The following ARMH3 variants were observed in gnomAD, a reference collection of about 807,000 sequenced individuals.
ARMH3 encodes the protein armadillo like helical domain containing 3.
A neutral mutation model predicts 99.1 loss-of-function variants in ARMH3; 60 were observed. That is an observed-to-expected ratio of 0.61 (90% CI 0.49 to 0.75). ARMH3 has a LOEUF of 0.75. Among genes scored for constraint, ARMH3 ranks in the 30% least tolerant of loss-of-function variants. ARMH3 has a pLI of 0.00. For synonymous variants in ARMH3, 285 were observed against 292.8 expected (o/e 0.97, Z 0.27); for missense variants, 679 against 843.1 (o/e 0.81, Z 2.41).
chr10:101,910,276 G>T (rs1842809873), intron 23 of ARMH3, among the ~76,000 whole-genome samples: 1 of 152,184 alleles, frequency 6.6e-6, no homozygotes, highest in Non-Finnish European at 1.5e-5. Flanking sequence ...TTTCCCTTCT[G>T]TTTCCAACAC....
chr10:101,939,848 C>T lies in ARMH3; in HGVS notation c.1781+15G>A, dbSNP rs1312365953. On this transcript the variant is annotated intron_variant, in intron 23 of 25. Transcript: ENST00000370033. ...GAGCCAAGGAACTCTGCAAGAGATA[C>T]TTCTCATTCCTTACCTGATATTAAC... 1.2e-6 allele frequency: 2 copies of T among 1,610,152 alleles called. No homozygotes were observed. The highest frequency in any genetic ancestry group is 1.3e-5 in the African/African-American group (1 of 74,844).
chr10:101,945,820 T>C (rs987939892), intron 22 of ARMH3, among the ~76,000 whole-genome samples: 1 of 150,904 alleles, frequency 6.6e-6, no homozygotes, highest in Non-Finnish European at 1.5e-5. Context: ...CGGTGGCTCA[T>C]GTCTGTAATC....
At chr10:102,051,720 C>T (rs1247792788) in intron 1 of ARMH3, among the ~76,000 whole-genome samples, 1 of 152,130 alleles carries the variant, frequency 6.6e-6, no homozygotes, top group Non-Finnish European at 1.5e-5. Flanking sequence ...AAGCAAATGG[C>T]AAAACCAGGA....
At chr10:102,038,938 T>C (rs1041964943) in intron 2 of ARMH3, among the ~76,000 whole-genome samples, 2 of 151,934 alleles carry the variant, frequency 1.3e-5, no homozygotes, top group African/African-American at 2.4e-5. Flanking sequence ...GATGAGGTTT[T>C]GCCATGTTGC....
intron 14 of ARMH3, among the ~76,000 whole-genome samples, chr10:102,005,332 G>A (rs1011233051): frequency 5.7e-5 from 8 of 140,522 alleles, no homozygotes; most frequent in African/African-American, 1.9e-4. Flanking sequence ...GCAGTGAGCC[G>A]AGATCACACT....
chr10:101,954,894 G>T (rs926665560), intron 22 of ARMH3, among the ~76,000 whole-genome samples: 9 of 151,966 alleles, frequency 5.9e-5, no homozygotes, highest in Non-Finnish European at 8.8e-5. Context: ...TAGCTACAAG[G>T]GTTTATCTCA....
At chr10:101,888,978 A>C (rs2067621279) in intron 24 of ARMH3, among the ~76,000 whole-genome samples, 1 of 152,236 alleles carries the variant, frequency 6.6e-6, no homozygotes, top group South Asian at 2.1e-4. Flanking sequence ...TCAATTACTA[A>C]GGAAAATCTG....
Position 102,010,055 on chromosome 10 carries a change from A to G in ARMH3, c.832-32T>C, listed in dbSNP as rs765594806. 6 of 1,604,548 alleles carry G rather than the reference A, an allele frequency of 3.7e-6. No homozygotes were observed. In the Admixed American group the frequency reaches 5.0e-5, roughly 13 times the overall value. ...AAGAAAAGGGGAATTGCAAACTTAT[A>G]GCAGGAGGATATGAGAGGAGCTTTA... On this transcript the variant is annotated intron_variant, in intron 11 of 25. Coordinates refer to ENST00000370033, the MANE Select transcript of ARMH3 (RefSeq NM_024541.3).
intron 24 of ARMH3, among the ~76,000 whole-genome samples, chr10:101,855,678 T>G (rs1268112070): frequency 6.7e-6 from 1 of 149,276 alleles, no homozygotes; most frequent in East Asian, 1.9e-4. Flanking sequence ...CCCAAAGTGC[T>G]GGAATCACAG....
intron 24 of ARMH3, among the ~76,000 whole-genome samples, chr10:101,880,225 C>T (rs1299287752): frequency 6.6e-6 from 1 of 152,202 alleles, no homozygotes; most frequent in Admixed American, 6.5e-5. Context: ...AGTCTTACAT[C>T]TCAGCTCTTC....
intron 1 of ARMH3, among the ~76,000 whole-genome samples, chr10:102,053,701 C>T (rs2067766767): frequency 6.6e-6 from 1 of 151,586 alleles, no homozygotes; most frequent in African/African-American, 2.4e-5. Context: ...GCTCTGTCGC[C>T]CAGGCTGGAG....
chr10:101,963,331 CTG>C (rs1377543768), intron 20 of ARMH3, among the ~76,000 whole-genome samples: 2 of 151,726 alleles, frequency 1.3e-5, no homozygotes, highest in African/African-American at 4.8e-5. Flanking sequence ...TTTTATTTCA[CTG>C]TGTTAGCCAG....
Position 102,020,678 on chromosome 10 carries a change from T to A in ARMH3, c.669+2799A>T, listed in dbSNP as rs372439150. On this transcript the variant is annotated intron_variant, in intron 8 of 25. Coordinates refer to ENST00000370033, the MANE Select transcript of ARMH3 (RefSeq NM_024541.3). ...TCCAGCCTGGGCGACAGAGACTCCA[T>A]CTCAGAAAAAAAAAAAAAAAAAAAA... Among the ~76,000 whole-genome samples the A allele has an allele frequency of 6.9e-4, 91 of 132,768 alleles. 1 individual carries two copies. In the East Asian group the frequency reaches 0.016, roughly 24 times the overall value. 87.1% of individuals were successfully genotyped at this position (132,768 alleles called of 152,430 possible). A position where few individuals can be genotyped will look rare whatever the true frequency, so the allele number is the denominator to read the frequency against.
intron 23 of ARMH3, among the ~76,000 whole-genome samples, chr10:101,909,385 C>A (rs905018852): frequency 5.8e-5 from 8 of 137,898 alleles, no homozygotes; most frequent in Middle Eastern, 8.3e-3. Flanking sequence ...CCAGCCTGGG[C>A]GACAGGAGTG....
At position 102,033,325 on chromosome 10, in the gene ARMH3, A is replaced by T. The variant is rs759295387; in HGVS notation, c.117T>A (p.Ser39Arg). The T allele has an allele frequency of 6.9e-5, 112 of 1,614,002 alleles. No homozygotes were observed. Among genetic ancestry groups the T allele is most frequent in the Non-Finnish European group, 8.9e-5 (105 of 1,180,010 alleles). Residue 39 changes from serine to arginine, a missense_variant, in exon 3 of 26, where the codon AGT (serine) becomes AGA (arginine). This residue lies in a region of ARMH3 where 280 missense variants were observed against 354.6 expected (regional missense o/e 0.79). Coordinates refer to ENST00000370033, the MANE Select transcript of ARMH3 (RefSeq NM_024541.3). ...YDEIFMTEDPSKCSPRFWEEL... is the reference protein window; with the variant it reads ...YDEIFMTEDPRKCSPRFWEEL... Reference sequence around the variant, plus strand: ...CCTCCCAAAACCGAGGACTGCACTTACTGGGGTCCTCTGTCTGAAACCAGA... The same window carrying T: ...CCTCCCAAAACCGAGGACTGCACTTTCTGGGGTCCTCTGTCTGAAACCAGA...
At chr10:101,961,073 T>G (rs969501888) in intron 20 of ARMH3, among the ~76,000 whole-genome samples, 2 of 152,194 alleles carry the variant, frequency 1.3e-5, no homozygotes, top group African/African-American at 4.8e-5. Flanking sequence ...GTCATTTTCA[T>G]GTATTTGGTC....
intron 22 of ARMH3, among the ~76,000 whole-genome samples, chr10:101,940,945 G>A (rs1844216283): frequency 6.6e-6 from 1 of 152,222 alleles, no homozygotes; most frequent in South Asian, 2.1e-4. Context: ...GGCACTCTAA[G>A]TGTATGTTTT....
At chr10:101,915,250 C>G (rs1843029471) in intron 23 of ARMH3, among the ~76,000 whole-genome samples, 1 of 152,100 alleles carries the variant, frequency 6.6e-6, no homozygotes, top group African/African-American at 2.4e-5. Context: ...CCCCAGCAGC[C>G]TCTTCAGGTC....
intron 21 of ARMH3, among the ~76,000 whole-genome samples, chr10:101,957,096 T>C (rs1173586428): frequency 6.6e-6 from 1 of 152,236 alleles, no homozygotes; most frequent in Admixed American, 6.5e-5. Flanking sequence ...CATTGATAGC[T>C]TGAAATTGGC....
Sources: allele counts gnomAD v4.1 joint callset (sites outside exome capture counted in the v4.1 genomes callset), GRCh38; gene constraint gnomAD v4.1.1; regional missense constraint gnomAD v4.1.1; transcripts MANE v1.5; gene names NCBI Gene and HGNC (gene_info 2026-07-23, HGNC 2026-07-21).